The following EPS8 variants were observed in gnomAD, a reference collection of about 807,000 sequenced individuals.
EPS8 encodes the protein EGFR pathway substrate 8, signaling adaptor, also known as epidermal growth factor receptor kinase substrate 8.
Under a neutral mutation model 103.8 loss-of-function variants are expected in EPS8, and 42 were observed. The ratio of observed to expected loss-of-function variants is 0.40; its 90% confidence interval spans 0.32 to 0.52. The LOEUF (loss-of-function observed/expected upper bound fraction) is 0.52. EPS8 is among the 20% of genes least tolerant of loss of function. The pLI is 0.40. For synonymous variants in EPS8, 344 were observed against 344.6 expected, an observed-to-expected ratio of 1.00 and a Z score of 0.02; for missense variants, 969 against 1,005.1, an observed-to-expected ratio of 0.96 and a Z score of 0.49.
intron 3 of EPS8, among the ~76,000 whole-genome samples, chr12:15,671,986 A>G (rs1417537717): frequency 6.6e-6 from 1 of 152,142 alleles, no homozygotes; most frequent in African/African-American, 2.4e-5. Context: ...GAAACTTAAT[A>G]CCCTGGGCCT....
intron 1 of EPS8, among the ~76,000 whole-genome samples, chr12:15,722,320 A>G (rs1191716504): frequency 3.3e-5 from 5 of 151,916 alleles, no homozygotes; most frequent in Admixed American, 2.0e-4. Context: ...TATTTTAAAC[A>G]ATTACCCCCC....
Position 15,772,446 on chromosome 12 carries a change from T to A in EPS8, c.-22+16715A>T, listed in dbSNP as rs938584487. ...TAGAAAGAGAATGAAACTTAGGCTG[T>A]AACATGAAATGAGATGAAGGCTAAG... On this transcript the variant is annotated intron_variant, in intron 1 of 20. Coordinates refer to ENST00000281172, the MANE Select transcript of EPS8 (RefSeq NM_004447.6). This position sits in a 1 kb window ranked among gnomAD's most constrained non-coding sequence, Gnocchi z 5.0. Among the ~76,000 whole-genome samples the A allele has an allele frequency of 1.3e-5, 2 of 152,118 alleles. No homozygotes were observed. The highest frequency in any genetic ancestry group is 4.8e-5 in the African/African-American group (2 of 41,432).
intron 17 of EPS8, among the ~76,000 whole-genome samples, chr12:15,637,060 C>CA (rs1945147647): frequency 6.6e-6 from 1 of 152,210 alleles, no homozygotes; most frequent in Non-Finnish European, 1.5e-5. Flanking sequence ...CTCGCTCTGT[C>CA]GCCAGGCTGG....
intron 1 of EPS8, among the ~76,000 whole-genome samples, chr12:15,720,074 C>G (rs575519577): frequency 5.7e-4 from 87 of 152,270 alleles, no homozygotes; most frequent in Middle Eastern, 3.4e-3. Flanking sequence ...TATCCCAACT[C>G]CATACTTTAA....
At chr12:15,768,040 G>C (rs1038196677) in intron 1 of EPS8, among the ~76,000 whole-genome samples, 1 of 152,144 alleles carries the variant, frequency 6.6e-6, no homozygotes, top group African/African-American at 2.4e-5. Context: ...AAGACTTACA[G>C]AATATTAGAG....
intron 18 of EPS8, among the ~76,000 whole-genome samples, chr12:15,627,144 C>T (rs892460482): frequency 6.6e-5 from 10 of 152,060 alleles, no homozygotes; most frequent in Admixed American, 5.9e-4. Flanking sequence ...GGACTATAGG[C>T]GTGTGCCACC....
chr12:15,627,802 T>C (rs970401777), intron 18 of EPS8, among the ~76,000 whole-genome samples: 4 of 152,180 alleles, frequency 2.6e-5, no homozygotes, highest in Admixed American at 2.6e-4. Flanking sequence ...TTTTAAAATA[T>C]GTGTGTATAT....
At position 15,624,461 on chromosome 12, in the gene EPS8, C is replaced by A. The variant is rs944633063; in HGVS notation, c.2045-54G>T. Reference sequence around the variant, plus strand: ...TTGAAAATCCCTAATATTACATCACCCTCTCTAGAACCCCAATCTCTATAA... The same window carrying A: ...TTGAAAATCCCTAATATTACATCACACTCTCTAGAACCCCAATCTCTATAA... On this transcript the variant is annotated intron_variant, in intron 18 of 20. Coordinates refer to ENST00000281172, the MANE Select transcript of EPS8 (RefSeq NM_004447.6). The A allele has an allele frequency of 1.8e-5, 24 of 1,360,560 alleles. No individual in the cohort carries two copies. In the South Asian group the frequency reaches 3.2e-4, roughly 18 times the overall value. 84.3% of individuals were successfully genotyped at this position (1,360,560 alleles called of 1,614,324 possible). A position where few individuals can be genotyped will look rare whatever the true frequency, so the allele number is the denominator to read the frequency against.
intron 17 of EPS8, among the ~76,000 whole-genome samples, chr12:15,637,251 C>T (rs549263534): frequency 2.2e-4 from 33 of 152,344 alleles, no homozygotes; most frequent in South Asian, 6.2e-4. Flanking sequence ...AAACTCCTCA[C>T]CTCAAGTGAT....
intron 14 of EPS8, among the ~76,000 whole-genome samples, chr12:15,648,992 GTT>G (rs1231806390): frequency 6.6e-6 from 1 of 151,964 alleles, no homozygotes; most frequent in Non-Finnish European, 1.5e-5. Flanking sequence ...GGATGATTAC[GTT>G]TTTTTGCTTT....
At position 15,669,655 on chromosome 12, in the gene EPS8, C is replaced by A. The variant is rs566695462; in HGVS notation, c.366+9G>T. The stretch of plus-strand genomic sequence containing the variant: ...TGAAAATAAAATAGTATAAATTTTA[C>A]ACACTTGCCTTTGATTCTAAATCAA... On this transcript the variant is annotated intron_variant, in intron 5 of 20. Transcript: ENST00000281172. The A allele has an allele frequency of 5.1e-6, 8 of 1,581,308 alleles. No homozygotes were observed. In the African/African-American group the frequency reaches 9.5e-5, roughly 19 times the overall value.
Position 15,709,986 on chromosome 12 carries a change from G to A in EPS8, c.-21-27014C>T, listed in dbSNP as rs1273648808. Reference sequence around the variant, plus strand: ...TAATGATGTTGCTGATCTGACAGGAGGCAGAGCTCAGGCAGTGATGCTTGC... The same window carrying A: ...TAATGATGTTGCTGATCTGACAGGAAGCAGAGCTCAGGCAGTGATGCTTGC... On this transcript the variant is annotated intron_variant, in intron 1 of 20. Coordinates refer to ENST00000281172, the MANE Select transcript of EPS8 (RefSeq NM_004447.6). Among the ~76,000 whole-genome samples the A allele has an allele frequency of 3.3e-5, 5 of 152,196 alleles. No individual in the cohort carries two copies. In the East Asian group the frequency reaches 5.8e-4, roughly 18 times the overall value.
At chr12:15,630,256 A>T (rs1945022570) in intron 18 of EPS8, among the ~76,000 whole-genome samples, 1 of 151,730 alleles carries the variant, frequency 6.6e-6, no homozygotes, top group African/African-American at 2.4e-5. Context: ...TACTTTTGTC[A>T]TATTGGGGAA....
chr12:15,766,400 G>A (rs1037604220), intron 1 of EPS8, among the ~76,000 whole-genome samples: 1 of 151,862 alleles, frequency 6.6e-6, no homozygotes, highest in African/African-American at 2.4e-5. Flanking sequence ...GGCTAAGGCA[G>A]GAGAATCACT....
chr12:15,742,038 T>C (rs529195938), intron 1 of EPS8, among the ~76,000 whole-genome samples: 1 of 152,366 alleles, frequency 6.6e-6, no homozygotes, highest in East Asian at 1.9e-4. Context: ...ACAAAGGACA[T>C]GAACTCATCC....
At position 15,641,726 on chromosome 12, in the gene EPS8, A is replaced by G; in HGVS notation, c.1673T>C (p.Leu558Ser). ...AAAAAGAAAAAATTATATTACCTCTAAAATATCATCCTTTAGAACCGAGAG... is the reference window on the plus strand; with the variant it reads ...AAAAAGAAAAAATTATATTACCTCTGAAATATCATCCTTTAGAACCGAGAG... ...SELSVLKDDI[L>S]EILDDRKQWW... Residue 558 changes from leucine to serine, a missense_variant, in exon 16 of 21, where the codon TTA (leucine) becomes TCA (serine). By Grantham distance (145) the Leu-to-Ser change is moderately radical. Transcript: ENST00000281172. 6.6e-7 allele frequency: 1 copy of G among 1,510,132 alleles called. No individual in the cohort carries two copies. The highest frequency in any genetic ancestry group is 9.0e-7 in the Non-Finnish European group (1 of 1,112,888). The allele number at this position is 1,510,132 out of a possible 1,614,324, so 93.5% of individuals were successfully genotyped here. A position where few individuals can be genotyped will look rare whatever the true frequency, so the allele number is the denominator to read the frequency against.
chr12:15,762,038 A>G lies in EPS8; in HGVS notation c.-22+27123T>C, dbSNP rs1947047442. ...AATATATTTGCAAACTATCCATCTG[A>G]AAAGAGATTAATAATCAGAATATAT... On this transcript the variant is annotated intron_variant, in intron 1 of 20. Transcript: ENST00000281172. This position sits in a 1 kb window ranked among gnomAD's most constrained non-coding sequence, Gnocchi z 4.8. Among the ~76,000 whole-genome samples, 1 of 152,208 alleles carries G rather than the reference A, an allele frequency of 6.6e-6. No homozygotes were observed. Among genetic ancestry groups the G allele is most frequent in the African/African-American group, 2.4e-5 (1 of 41,464 alleles).
At chr12:15,628,077 AG>A (rs1473395093) in intron 18 of EPS8, among the ~76,000 whole-genome samples, 1 of 108,174 alleles carries the variant, frequency 9.2e-6, no homozygotes, top group Non-Finnish European at 1.9e-5. Context: ...TAATCAAAAA[AG>A]GGGAAAAGGG....
In EPS8 at chr12:15,641,789, T is replaced by C; in HGVS notation, c.1610A>G (p.Lys537Arg). The C allele has an allele frequency of 6.2e-7, 1 of 1,601,546 alleles. No homozygotes were observed. Among genetic ancestry groups the C allele is most frequent in the Non-Finnish European group, 8.5e-7 (1 of 1,172,420 alleles). Residue 537 changes from lysine (K) to arginine (R), a missense_variant, in exon 16 of 21, where the codon AAA becomes AGA. Coordinates refer to ENST00000281172, the MANE Select transcript of EPS8 (RefSeq NM_004447.6). ...PLKTQPKKYA[K>R]SKYDFVARNN... ...CCTTGCTACAAAGTCATACTTGGAT[T>C]TGGCATATTTCTTGGGTTGTGTTTT...
Sources: gnomAD v4.1 joint callset for allele counts (sites outside exome capture counted in the v4.1 genomes callset) on GRCh38, gnomAD v4.1.1 for gene constraint, Gnocchi (gnomAD v3.1) non-coding constraint, MANE v1.5 for transcripts, NCBI Gene and HGNC (gene_info 2026-07-23, HGNC 2026-07-21) for gene names.